Variants in NUBPL observed in about 807,000 individuals in gnomAD.
The protein encoded by NUBPL is iron-sulfur cluster transfer protein NUBPL.
Under a neutral mutation model 45.7 loss-of-function variants are expected in NUBPL, and 31 were observed. The ratio of observed to expected loss-of-function variants is 0.68; its 90% CI spans 0.51 to 0.92. NUBPL has a LOEUF of 0.92. NUBPL is among the 40% of genes least tolerant of loss of function. The probability of loss-of-function intolerance (pLI) is 0.00; values close to 1 mark genes in which losing one functional copy is unlikely to be tolerated. For missense variants in NUBPL, 401 were observed against 398.7 expected (o/e 1.01, Z -0.05); for synonymous variants, 144 against 140.9 (o/e 1.02, Z -0.15).
At chr14:31,753,649 G>T (rs1426279339) in intron 6 of NUBPL, among the ~76,000 whole-genome samples, 3 of 152,104 alleles carry the variant, frequency 2.0e-5, no homozygotes, top group Non-Finnish European at 4.4e-5. Context: ...TACACCTTGG[G>T]TCCTGGGGAG....
At chr14:31,731,681 G>T (rs1434341840) in intron 6 of NUBPL, among the ~76,000 whole-genome samples, 1 of 152,170 alleles carries the variant, frequency 6.6e-6, no homozygotes, top group Non-Finnish European at 1.5e-5. Flanking sequence ...TGAATTCCTG[G>T]AAATGCCCCC....
At position 31,860,961 on chromosome 14, in the gene NUBPL, G is replaced by A. The variant is rs2040704396; in HGVS notation, c.*1781G>A. 1 of 152,208 alleles carries A rather than the reference G, an allele frequency of 6.6e-6. No homozygotes were observed. Among genetic ancestry groups the A allele is most frequent in the East Asian group, 1.9e-4 (1 of 5,198 alleles). The allele number at this position is 152,208 out of a possible 1,614,324, so 9.4% of individuals were successfully genotyped here. ...AATTATAGAAATGGAGAACAGATTA[G>A]TGGTGGCTGTGTTAAGGAGGGGGTG... is the stretch of plus-strand genomic sequence containing the variant. On this transcript the variant is annotated 3_prime_UTR_variant, in exon 11 of 11. Coordinates refer to ENST00000281081, the MANE Select transcript of NUBPL (RefSeq NM_025152.3).
chr14:31,613,857 C>A (rs185601072), intron 4 of NUBPL, among the ~76,000 whole-genome samples: 1 of 151,886 alleles, frequency 6.6e-6, no homozygotes, highest in Non-Finnish European at 1.5e-5. Context: ...CAAAACGTCT[C>A]ATGTACCCCA....
chr14:31,841,917 C>CTTTTTT lies in NUBPL; in HGVS notation c.694-4528_694-4523dup, dbSNP rs547795007. Among the ~76,000 whole-genome samples, 262 of 43,020 alleles carry CTTTTTT rather than the reference C, an allele frequency of 6.1e-3. 61 individuals carry two copies. Among genetic ancestry groups the CTTTTTT allele is most frequent in the African/African-American group, 0.018 (197 of 10,794 alleles). The allele number at this position is 43,020 out of a possible 152,430, so 28.2% of individuals were successfully genotyped here. On this transcript the variant is annotated intron_variant, in intron 8 of 10. Coordinates refer to ENST00000281081, the MANE Select transcript of NUBPL (RefSeq NM_025152.3). ...CTTTCATGTATGGGTCGATTCTGGG[C>CTTTTTT]TTTTTTTTTTTTTTTTTTTTTTTTT...
intron 4 of NUBPL, among the ~76,000 whole-genome samples, chr14:31,672,800 C>G (rs1016231905): frequency 2.0e-5 from 3 of 152,120 alleles, no homozygotes; most frequent in African/African-American, 7.2e-5. Context: ...ACAATTATGT[C>G]CCAACTATTT....
intron 4 of NUBPL, among the ~76,000 whole-genome samples, chr14:31,652,997 G>A (rs915408070): frequency 7.9e-5 from 12 of 152,102 alleles, no homozygotes; most frequent in African/African-American, 1.7e-4. Flanking sequence ...CACCTGAGCC[G>A]CAAAACCAGC....
chr14:31,785,450 G>A (rs1236778335), intron 6 of NUBPL, among the ~76,000 whole-genome samples: 1 of 152,118 alleles, frequency 6.6e-6, no homozygotes, highest in Non-Finnish European at 1.5e-5. Flanking sequence ...CCTATTGTGA[G>A]GGATCTAGGT....
intron 3 of NUBPL, among the ~76,000 whole-genome samples, chr14:31,597,399 A>C (rs914311230): frequency 2.0e-5 from 3 of 152,192 alleles, no homozygotes; most frequent in African/African-American, 4.8e-5. Flanking sequence ...TTTTTGGAAC[A>C]TTATGCCAAG....
In NUBPL at chr14:31,572,921, G is replaced by A. The variant is rs1347692786; in HGVS notation, c.291+7873G>A. 3.3e-5 allele frequency among the ~76,000 whole-genome samples: 5 copies of A among 152,270 alleles called. No homozygotes were observed. The East Asian group carries it at 9.6e-4, about 29-fold the overall frequency. On this transcript the variant is annotated intron_variant, in intron 3 of 10. Coordinates refer to ENST00000281081, the MANE Select transcript of NUBPL (RefSeq NM_025152.3). ...TTGTAACACAATGGTAAGTATTTAT[G>A]TATCTAAACAAAGAAAAGATACAGT...
intron 6 of NUBPL, among the ~76,000 whole-genome samples, chr14:31,742,916 A>G (rs2038317373): frequency 1.3e-5 from 2 of 151,856 alleles, no homozygotes; most frequent in Admixed American, 1.3e-4. Context: ...ATCTCTTTTA[A>G]TTATTTCATT....
intron 7 of NUBPL, among the ~76,000 whole-genome samples, chr14:31,819,772 G>T (rs556053084): frequency 6.6e-6 from 1 of 152,266 alleles, no homozygotes; most frequent in South Asian, 2.1e-4. Flanking sequence ...CTTTTAAAAG[G>T]ATTATAAGTT....
At chr14:31,848,415 C>T (rs1272289232) in intron 9 of NUBPL, among the ~76,000 whole-genome samples, 2 of 152,190 alleles carry the variant, frequency 1.3e-5, no homozygotes, top group Admixed American at 1.3e-4. Context: ...TTGTCCTTTA[C>T]TGACTCCCTG....
intron 8 of NUBPL, 159 bp from the exon 9 acceptor site, chr14:31,846,312 T>C: frequency 1.5e-6 from 1 of 661,360 alleles, no homozygotes; most frequent in Non-Finnish European, 2.7e-6. Context: ...TCTTACTAGC[T>C]CATGAGTTCC....
At chr14:31,687,443 C>A (rs1456316728) in intron 6 of NUBPL, among the ~76,000 whole-genome samples, 1 of 152,158 alleles carries the variant, frequency 6.6e-6, no homozygotes. Context: ...ACAAAACTTA[C>A]ACACTGTGCA....
At chr14:31,840,916 T>A (rs1400733596) in intron 8 of NUBPL, among the ~76,000 whole-genome samples, 1 of 152,232 alleles carries the variant, frequency 6.6e-6, no homozygotes, top group Non-Finnish European at 1.5e-5. Context: ...GTTTTGCTTG[T>A]TTGTGAAATT....
intron 3 of NUBPL, among the ~76,000 whole-genome samples, chr14:31,568,448 T>TA (rs2033496302): frequency 6.6e-6 from 1 of 152,196 alleles, no homozygotes; most frequent in Admixed American, 6.5e-5. Flanking sequence ...AAATAAAATA[T>TA]AAAAACTCTT....
intron 7 of NUBPL, among the ~76,000 whole-genome samples, chr14:31,822,927 A>G (rs1218655542): frequency 6.6e-6 from 1 of 152,150 alleles, no homozygotes; most frequent in East Asian, 1.9e-4. Context: ...AGAGAAAACC[A>G]AGCCAGTTTA....
At chr14:31,644,693 T>C (rs1364251904) in intron 4 of NUBPL, among the ~76,000 whole-genome samples, 2 of 151,346 alleles carry the variant, frequency 1.3e-5, no homozygotes, top group South Asian at 2.1e-4. Flanking sequence ...AGTTTAACTC[T>C]GATGTTTGTG....
intron 6 of NUBPL, among the ~76,000 whole-genome samples, chr14:31,758,093 A>T (rs938933196): frequency 6.6e-6 from 1 of 152,158 alleles, no homozygotes; most frequent in African/African-American, 2.4e-5. Context: ...CAAAATGCTC[A>T]TCATGATTTG....
Sources: allele counts gnomAD v4.1 joint callset (sites outside exome capture counted in the v4.1 genomes callset), GRCh38; gene constraint gnomAD v4.1.1; transcripts MANE v1.5; gene names NCBI Gene and HGNC (gene_info 2026-07-23, HGNC 2026-07-21).